THSD4: variants seen among roughly 807,000 people sequenced by gnomAD.
THSD4 encodes thrombospondin type-1 domain-containing protein 4.
In THSD4, 69 loss-of-function variants were observed where a neutral mutation model predicts 119.0. The observed-to-expected ratio is 0.58, with a 90% CI of 0.48 to 0.71. The LOEUF is 0.71. THSD4 is among the 30% of genes least tolerant of loss of function. The pLI is 0.00. For synonymous variants in THSD4, 524 were observed against 540.4 expected (o/e 0.97, Z 0.42); for missense variants, 1,393 against 1,391.1 (o/e 1.00, Z -0.02).
chr15:71,565,314 A>G (rs1274728753), intron 7 of THSD4, among the ~76,000 whole-genome samples: 1 of 152,176 alleles, frequency 6.6e-6, no homozygotes, highest in Non-Finnish European at 1.5e-5. Flanking sequence ...TAGTAGGTAA[A>G]AATCATAAGC....
chr15:71,598,751 G>T (rs1241464923), intron 7 of THSD4, among the ~76,000 whole-genome samples: 1 of 152,014 alleles, frequency 6.6e-6, no homozygotes, highest in Admixed American at 6.6e-5. Context: ...CCTACTAGCT[G>T]GGACTACAGG....
intron 6 of THSD4, among the ~76,000 whole-genome samples, chr15:71,259,301 G>C (rs76818896): frequency 6.6e-6 from 1 of 151,932 alleles, no homozygotes; most frequent in South Asian, 2.1e-4. Flanking sequence ...CAAAGTGGGC[G>C]TGGTCCTGCC....
chr15:71,190,505 G>T (rs1424928990), intron 3 of THSD4, among the ~76,000 whole-genome samples: 2 of 152,186 alleles, frequency 1.3e-5, no homozygotes, highest in Admixed American at 1.3e-4. Flanking sequence ...GACTGAGGGG[G>T]TTGCTAGAAG....
chr15:71,701,769 TG>T (rs1206398205), intron 8 of THSD4, among the ~76,000 whole-genome samples: 1 of 152,202 alleles, frequency 6.6e-6, no homozygotes, highest in Non-Finnish European at 1.5e-5. Context: ...CAGAAAGATC[TG>T]GAAGGATTCT....
At chr15:71,467,175 T>C (rs2047512715) in intron 7 of THSD4, among the ~76,000 whole-genome samples, 3 of 152,218 alleles carry the variant, frequency 2.0e-5, no homozygotes, top group Non-Finnish European at 1.5e-5. Context: ...AAAGTCCACA[T>C]GGCATGAGTT....
intron 7 of THSD4, among the ~76,000 whole-genome samples, chr15:71,578,996 A>G (rs1214322012): frequency 6.6e-6 from 1 of 151,978 alleles, no homozygotes; most frequent in Middle Eastern, 3.4e-3. Context: ...GGCACCAGCT[A>G]TCACACCCGG....
intron 7 of THSD4, among the ~76,000 whole-genome samples, chr15:71,622,300 T>A (rs749023451): frequency 2.0e-5 from 3 of 152,258 alleles, no homozygotes; most frequent in Non-Finnish European, 4.4e-5. Flanking sequence ...TTTTGGGTAA[T>A]AGCAATTACT....
At chr15:71,118,261 C>T (rs1275762477) in intron 1 of THSD4, among the ~76,000 whole-genome samples, 1 of 152,148 alleles carries the variant, frequency 6.6e-6, no homozygotes, top group Non-Finnish European at 1.5e-5. Flanking sequence ...CAAGAGCCAT[C>T]CCAACGCCTT....
chr15:71,615,823 A>C (rs35730417), intron 7 of THSD4, among the ~76,000 whole-genome samples: 21,602 of 152,204 alleles, frequency 0.14, 1,536 homozygotes, highest in Middle Eastern at 0.17. Flanking sequence ...GCTTCCCACC[A>C]ACACTCATTG....
At chr15:71,717,166 C>T (rs1020470398) in intron 8 of THSD4, among the ~76,000 whole-genome samples, 23 of 152,122 alleles carry the variant, frequency 1.5e-4, no homozygotes, top group African/African-American at 5.6e-4. Context: ...GTAACAAATA[C>T]CTAATGAGTC....
chr15:71,698,418 A>G (rs927440393), intron 8 of THSD4, among the ~76,000 whole-genome samples: 4 of 151,980 alleles, frequency 2.6e-5, no homozygotes, highest in Admixed American at 6.5e-5. Context: ...GAAAAACAGT[A>G]TGGAGGTTCC....
intron 1 of THSD4, among the ~76,000 whole-genome samples, chr15:71,116,133 CGA>C (rs1325177499): frequency 6.6e-6 from 1 of 152,182 alleles, no homozygotes; most frequent in Non-Finnish European, 1.5e-5. Context: ...GCCTGGGGCC[CGA>C]GAGCCGGGCA....
chr15:71,382,647 TC>T lies in THSD4; in HGVS notation c.1016-29037del, dbSNP rs768957324. Among the ~76,000 whole-genome samples the T allele has an allele frequency of 4.7e-4, 71 of 152,298 alleles. 1 individual carries two copies. The highest frequency in any genetic ancestry group is 1.4e-3 in the South Asian group (7 of 4,828). ...AAAAACACATCTTACTTTTACTGTT[TC>T]CCTTATTATATCTAGTTTTAATTAC... On this transcript the variant is annotated intron_variant, in intron 6 of 17. Transcript: ENST00000261862.
chr15:71,444,962 A>G (rs2047160045), intron 7 of THSD4, among the ~76,000 whole-genome samples: 1 of 152,180 alleles, frequency 6.6e-6, no homozygotes, highest in African/African-American at 2.4e-5. Flanking sequence ...TTAGCATGGC[A>G]TTCAGTATGT....
At chr15:71,686,074 T>C (rs1362966100) in intron 8 of THSD4, among the ~76,000 whole-genome samples, 1 of 152,222 alleles carries the variant, frequency 6.6e-6, no homozygotes, top group African/African-American at 2.4e-5. Context: ...TAAAACTTTA[T>C]GGTAAAATAT....
rs557280534 is a variant in THSD4, at chr15:71,685,851, C to G, written c.1357+25117C>G. ...TAAGAGAAAAAAAGGCAAATAGCAT[C>G]TTAGAGTTGTTATGGAAATAGGTTT... is the stretch of plus-strand genomic sequence containing the variant. On this transcript the variant is annotated intron_variant, in intron 8 of 17. Coordinates refer to ENST00000261862, the MANE Select transcript of THSD4 (RefSeq NM_024817.3). Among the ~76,000 whole-genome samples, 48 of 152,192 alleles carry G rather than the reference C, an allele frequency of 3.2e-4. No homozygotes were observed. In the South Asian group the frequency reaches 9.3e-3, roughly 30 times the overall value.
chr15:71,576,049 G>C (rs538376749), intron 7 of THSD4, among the ~76,000 whole-genome samples: 76 of 151,684 alleles, frequency 5.0e-4, no homozygotes, highest in Non-Finnish European at 9.7e-4. Flanking sequence ...CAGTTTTTTG[G>C]TATTAAAATG....
chr15:71,698,094 G>C (rs908121488), intron 8 of THSD4, among the ~76,000 whole-genome samples: 2 of 152,080 alleles, frequency 1.3e-5, no homozygotes, highest in Non-Finnish European at 2.9e-5. Context: ...CCAGGACCTG[G>C]GGGCTATGTG....
chr15:71,300,804 G>A (rs1006494840), intron 6 of THSD4, among the ~76,000 whole-genome samples: 2 of 152,186 alleles, frequency 1.3e-5, no homozygotes, highest in Non-Finnish European at 2.9e-5. Context: ...ATAAATAAAT[G>A]CATTGTGCTG....
Sources: gnomAD v4.1 joint callset for allele counts (sites outside exome capture counted in the v4.1 genomes callset) on GRCh38, gnomAD v4.1.1 for gene constraint, MANE v1.5 for transcripts, NCBI Gene and HGNC (gene_info 2026-07-23, HGNC 2026-07-21) for gene names.